GNAO1: variants seen among roughly 807,000 people sequenced by gnomAD.
The protein encoded by GNAO1 is guanine nucleotide-binding protein G(o) subunit alpha.
For synonymous variants in GNAO1, 164 were observed against 180.7 expected, an observed-to-expected ratio of 0.91 and a Z score of 0.74; for missense variants, 166 against 478.7, an observed-to-expected ratio of 0.35 and a Z score of 6.10.
chr16:56,256,718 C>CTCTGTGTG (rs1295470655), intron 2 of GNAO1, among the ~76,000 whole-genome samples: 1 of 72,214 alleles, frequency 1.4e-5, no homozygotes, highest in African/African-American at 4.2e-5. Context: ...CTCTCTCTCT[C>CTCTGTGTG]TGTGTGTGTG....
At chr16:56,283,628 C>T (rs1235333096) in intron 3 of GNAO1, among the ~76,000 whole-genome samples, 1 of 152,180 alleles carries the variant, frequency 6.6e-6, no homozygotes, top group East Asian at 1.9e-4. Flanking sequence ...AACAAGGATG[C>T]TATCTGGCCT....
intron 2 of GNAO1, among the ~76,000 whole-genome samples, chr16:56,264,341 G>T (rs1406168704): frequency 6.6e-6 from 1 of 152,226 alleles, no homozygotes; most frequent in Admixed American, 6.5e-5. Context: ...CGCTGCCGCT[G>T]CCGTGGACTG....
intron 2 of GNAO1, among the ~76,000 whole-genome samples, chr16:56,236,541 C>A (rs1301796756): frequency 1.3e-5 from 2 of 152,156 alleles, no homozygotes; most frequent in Non-Finnish European, 2.9e-5. Context: ...TATTGGCCAA[C>A]ATCAGAGAGA....
rs928186310 is a variant in GNAO1 at position 56,347,591 on chromosome 16, G to A, written c.724-3793G>A. On this transcript the variant is annotated intron_variant, in intron 6 of 8. Transcript: ENST00000262493. ...GGAAAAGCAGAAAGAATGGCCCCCAGTCCAAACTCCTGGATCCCCTCCATG... is the reference window on the plus strand; with the variant it reads ...GGAAAAGCAGAAAGAATGGCCCCCAATCCAAACTCCTGGATCCCCTCCATG... 6.1e-6 allele frequency: 6 copies of A among 985,138 alleles called. No homozygotes were observed. The East Asian group carries it at 3.4e-4, about 56-fold the overall frequency. 61.0% of individuals were successfully genotyped at this position (985,138 alleles called of 1,614,324 possible).
At chr16:56,224,144 T>C (rs2036514486) in intron 2 of GNAO1, among the ~76,000 whole-genome samples, 1 of 152,206 alleles carries the variant, frequency 6.6e-6, no homozygotes, top group South Asian at 2.1e-4. Flanking sequence ...GACCAGGCCG[T>C]ATTCATTTCC....
intron 6 of GNAO1, chr16:56,345,314 G>GTA: frequency 1.0e-6 from 1 of 985,448 alleles, no homozygotes; most frequent in Non-Finnish European, 1.2e-6. Flanking sequence ...AGGGAGGAGG[G>GTA]TACCCACTGA....
chr16:56,227,687 C>CAAAAAAAAAAAAAAAAAAAAAAAAAA (rs386384777), intron 2 of GNAO1, among the ~76,000 whole-genome samples: 1 of 61,954 alleles, frequency 1.6e-5, no homozygotes, highest in African/African-American at 6.1e-5. Flanking sequence ...GACCCTGTCT[C>CAAAAAAAAAAAAAAAAAAAAAAAAAA]AAAAAAAAAA....
chr16:56,241,587 A>G (rs1274885353), intron 2 of GNAO1, among the ~76,000 whole-genome samples: 2 of 152,228 alleles, frequency 1.3e-5, no homozygotes, highest in Non-Finnish European at 2.9e-5. Flanking sequence ...GCAACAATGT[A>G]AAATTTCCTT....
At position 56,328,788 on chromosome 16, in the gene GNAO1, A is replaced by C; in HGVS notation, c.461A>C (p.Lys154Thr). Residue 154 changes from lysine (K) to threonine (T), a missense_variant, in exon 4 of 9, where the codon AAA (lysine) becomes ACA (threonine). Coordinates refer to ENST00000262493, the MANE Select transcript of GNAO1 (RefSeq NM_020988.3). ...SREYQLNDSA[K>T]YYLDSLDRIG... The stretch of plus-strand genomic sequence containing the variant: ...GAGTATCAGCTCAACGACTCTGCCA[A>C]ATAGTGAGTGTCCCAGCGGGCGCAT... 1.9e-6 allele frequency: 3 copies of C among 1,614,030 alleles called. No individual in the cohort carries two copies. Among genetic ancestry groups the C allele is most frequent in the Non-Finnish European group, 1.7e-6 (2 of 1,179,868 alleles).
chr16:56,234,843 C>A (rs1267133286), intron 2 of GNAO1, among the ~76,000 whole-genome samples: 4 of 151,928 alleles, frequency 2.6e-5, no homozygotes, highest in African/African-American at 9.7e-5. Context: ...AAACAGTCTA[C>A]CTCTGTCCCC....
intron 2 of GNAO1, chr16:56,235,064 C>A: frequency 3.1e-6 from 1 of 322,232 alleles, no homozygotes. Context: ...CTGCAAAAGA[C>A]ACCTATTCGC....
chr16:56,297,095 C>G (rs922457631), intron 3 of GNAO1, among the ~76,000 whole-genome samples: 1 of 152,206 alleles, frequency 6.6e-6, no homozygotes, highest in African/African-American at 2.4e-5. Context: ...CATCAGCTAA[C>G]TGAGAAAACC....
At chr16:56,258,984 A>T (rs978497199) in intron 2 of GNAO1, among the ~76,000 whole-genome samples, 4 of 152,234 alleles carry the variant, frequency 2.6e-5, no homozygotes, top group African/African-American at 7.2e-5. Context: ...TCTTTATGGA[A>T]AGTGCTGCCA....
At chr16:56,343,959 G>T in intron 6 of GNAO1, 1 of 1,611,584 alleles carries the variant, frequency 6.2e-7, no homozygotes, top group Non-Finnish European at 8.5e-7. Flanking sequence ...GAGCCCAGCC[G>T]CCCTGCCCGG....
chr16:56,277,598 C>T (rs909732342), intron 3 of GNAO1, among the ~76,000 whole-genome samples: 1 of 152,162 alleles, frequency 6.6e-6, no homozygotes. Context: ...AAGCACTTTA[C>T]ACATAATGAC....
At chr16:56,315,706 C>A (rs906489457) in intron 3 of GNAO1, among the ~76,000 whole-genome samples, 1 of 151,908 alleles carries the variant, frequency 6.6e-6, no homozygotes, top group African/African-American at 2.4e-5. Context: ...GACATAAAAA[C>A]CCCCCTGCCT....
At chr16:56,320,067 A>T (rs76558887) in intron 3 of GNAO1, among the ~76,000 whole-genome samples, 2,875 of 152,276 alleles carry the variant, frequency 0.019, 47 homozygotes, top group South Asian at 0.086. Context: ...TCTTTAAATC[A>T]TTGATGTGGA....
intron 6 of GNAO1, among the ~76,000 whole-genome samples, chr16:56,338,436 T>A (rs1173359396): frequency 6.6e-6 from 1 of 152,226 alleles, no homozygotes; most frequent in Non-Finnish European, 1.5e-5. Flanking sequence ...TTCCTGGCCA[T>A]GTGCCCCTCA....
chr16:56,200,359 A>G (rs1436882647), intron 2 of GNAO1, among the ~76,000 whole-genome samples: 2 of 152,254 alleles, frequency 1.3e-5, no homozygotes, highest in Non-Finnish European at 2.9e-5. Context: ...GAGGTATATA[A>G]GGAATGAACC....
Sources: allele counts gnomAD v4.1 joint callset (sites outside exome capture counted in the v4.1 genomes callset), GRCh38; gene constraint gnomAD v4.1.1; transcripts MANE v1.5; gene names NCBI Gene and HGNC (gene_info 2026-07-23, HGNC 2026-07-21).